Variants in IPO9 observed in about 807,000 individuals in gnomAD.
IPO9 encodes importin-9.
A neutral mutation model predicts 128.6 loss-of-function variants in IPO9; 28 were observed. The ratio of observed to expected loss-of-function variants is 0.22; its 90% CI spans 0.16 to 0.30. The LOEUF (loss-of-function observed/expected upper bound fraction) is 0.30. Ranked by LOEUF, IPO9 falls within the 10% of genes least tolerant of loss-of-function variation. The pLI, the probability that IPO9 is intolerant of heterozygous loss-of-function variation, is 1.00. For synonymous variants in IPO9, 455 were observed against 475.8 expected (o/e 0.96, Z 0.57); for missense variants, 935 against 1,293.9 (o/e 0.72, Z 4.26).
intron 1 of IPO9, among the ~76,000 whole-genome samples, chr1:201,839,754 T>C (rs1680002549): frequency 6.6e-6 from 1 of 152,028 alleles, no homozygotes; most frequent in African/African-American, 2.4e-5. Context: ...GGGAAAGGGA[T>C]TCTAAATATG....
rs768746951 is a variant in IPO9, at chr1:201,881,169, A to G, written c.*5115A>G. The stretch of plus-strand genomic sequence containing the variant: ...TGGGGGAGGAAGTCGGGTAAGTTGC[A>G]TGGAGAAGGCAACCCTTGAACACTT... On this transcript the variant is annotated 3_prime_UTR_variant, in exon 24 of 24. Coordinates refer to ENST00000361565, the MANE Select transcript of IPO9 (RefSeq NM_018085.5). 1 of 152,202 alleles carries G rather than the reference A, an allele frequency of 6.6e-6. No individual in the cohort carries two copies. The highest frequency in any genetic ancestry group is 1.5e-5 in the Non-Finnish European group (1 of 68,034). The allele number at this position is 152,202 out of a possible 1,614,324, so 9.4% of individuals were successfully genotyped here.
In IPO9 at chr1:201,874,341, T is replaced by C. The variant is rs375849282; in HGVS notation, c.2802T>C (p.Ala934=). The C allele has an allele frequency of 1.2e-6, 2 of 1,614,086 alleles. No individual in the cohort carries two copies. The highest frequency in any genetic ancestry group is 1.1e-5 in the South Asian group (1 of 91,072). The change falls in exon 21 of 24, where the codon GCT becomes GCC. Residue 934 remains alanine, a synonymous_variant. Transcript: ENST00000361565. ...CCAACGTCATGGAGGCTAATGCCGC[T>C]CGCCAGGCCACTCCTGCAGAGTGGA... ...ELSNVMEANA[A]RQATPAEWSQ...
At chr1:201,833,562 T>C (rs1255437804) in intron 1 of IPO9, among the ~76,000 whole-genome samples, 1 of 152,168 alleles carries the variant, frequency 6.6e-6, no homozygotes, top group African/African-American at 2.4e-5. Flanking sequence ...TGAGCCCCTG[T>C]GCTTGCTATT....
intron 13 of IPO9, among the ~76,000 whole-genome samples, chr1:201,859,717 T>C (rs1399042842): frequency 1.3e-5 from 2 of 152,170 alleles, no homozygotes; most frequent in East Asian, 1.9e-4. Flanking sequence ...CCCAGCACTT[T>C]GGGAGGCTAA....
chr1:201,840,822 G>T (rs1048004054), intron 1 of IPO9, among the ~76,000 whole-genome samples: 20 of 152,084 alleles, frequency 1.3e-4, no homozygotes, highest in African/African-American at 4.8e-4. Context: ...AACAAGAAGG[G>T]AATATTTAAA....
chr1:201,849,935 A>G (rs999543746), intron 4 of IPO9, among the ~76,000 whole-genome samples: 2 of 152,126 alleles, frequency 1.3e-5, no homozygotes, highest in Non-Finnish European at 2.9e-5. Flanking sequence ...GCCTTTTAGG[A>G]TTCTTTATTC....
At chr1:201,848,326 A>G (rs1571543779) in intron 3 of IPO9, 67 bp from the exon 4 acceptor site, 5 of 1,374,026 alleles carry the variant, frequency 3.6e-6, no homozygotes, top group Non-Finnish European at 4.2e-6. Flanking sequence ...ACAGTTCCCA[A>G]TTGAACTGGG....
intron 13 of IPO9, among the ~76,000 whole-genome samples, chr1:201,861,588 G>A (rs572168490): frequency 6.6e-5 from 10 of 152,130 alleles, no homozygotes; most frequent in Admixed American, 2.0e-4. Context: ...TTCAACTTAC[G>A]ATGTGTTTAT....
Position 201,876,180 on chromosome 1 carries a change from C to G in IPO9, c.*126C>G, listed in dbSNP as rs768340407. 5 of 775,678 alleles carry G rather than the reference C, an allele frequency of 6.4e-6. No individual in the cohort carries two copies. Among genetic ancestry groups the G allele is most frequent in the Non-Finnish European group, 9.5e-6 (4 of 420,822 alleles). 48.0% of individuals were successfully genotyped at this position (775,678 alleles called of 1,614,324 possible). ...CATCTTGACCCTTGGCCCTTGGCCT[C>G]GGCAGTGACACTGATGACAATTCAG... On this transcript the variant is annotated 3_prime_UTR_variant, in exon 24 of 24. Coordinates refer to ENST00000361565, the MANE Select transcript of IPO9 (RefSeq NM_018085.5).
At chr1:201,874,755 A>G (rs1033945625) in intron 21 of IPO9, 77 bp from the exon 22 acceptor site, 33 of 1,008,136 alleles carry the variant, frequency 3.3e-5, no homozygotes, top group Middle Eastern at 5.5e-4. Context: ...GGGCCCTTCT[A>G]TTCTGGCCTA....
chr1:201,857,656 G>A (rs768723203), intron 11 of IPO9, among the ~76,000 whole-genome samples: 1 of 152,088 alleles, frequency 6.6e-6, no homozygotes, highest in Non-Finnish European at 1.5e-5. Context: ...TTAGCCGGGC[G>A]TGATGGCGCA....
In IPO9 at chr1:201,875,938, C is replaced by T. The variant is rs760615469; in HGVS notation, c.3016-6C>T. ...TCACTAATGCCACTCTTGCTCTTTC[C>T]TCCAGGCATATCTCACAGATTTCCT... On this transcript the variant is annotated splice_polypyrimidine_tract_variant and splice_region_variant and intron_variant, in intron 23 of 23. Transcript: ENST00000361565. 6.3e-7 allele frequency: 1 copy of T among 1,581,618 alleles called. No individual in the cohort carries two copies. The highest frequency in any genetic ancestry group is 2.2e-5 in the East Asian group (1 of 44,630).
In IPO9 at chr1:201,866,744, A is replaced by G; in HGVS notation, c.1640A>G (p.Gln547Arg). ...CTATCTCTCTCTAGTTATTGTGACC[A>G]ACTGAAAGTCTCAGAGAGTACCCAC... is the stretch of plus-strand genomic sequence containing the variant. ...AVRAIWGYCD[Q>R]LKVSESTHVL... The change falls in exon 15 of 24, where the codon CAA (glutamine) becomes CGA (arginine). Residue 547 changes from glutamine to arginine, a missense_variant. By Grantham distance (43) the Gln-to-Arg change is conservative. Around this residue, in one of 3 missense-constraint regions of IPO9, gnomAD observed 741 missense variants for 1,019.1 expected, o/e 0.73. Coordinates refer to ENST00000361565, the MANE Select transcript of IPO9 (RefSeq NM_018085.5). 1 of 1,613,516 alleles carries G rather than the reference A, an allele frequency of 6.2e-7. No homozygotes were observed. Among genetic ancestry groups the G allele is most frequent in the Non-Finnish European group, 8.5e-7 (1 of 1,179,488 alleles).
rs1182102758 is a variant in IPO9, at chr1:201,882,944, TAC to T, written c.*6893_*6894del. On this transcript the variant is annotated 3_prime_UTR_variant, in exon 24 of 24. Coordinates refer to ENST00000361565, the MANE Select transcript of IPO9 (RefSeq NM_018085.5). ...GCTCATTCTTCCTGACTCACTGGAT[TAC>T]ACTGTGACTCAGTTCAATTTCACAC... 6.6e-6 allele frequency: 1 copy of T among 152,626 alleles called. No individual in the cohort carries two copies. Among genetic ancestry groups the T allele is most frequent in the Non-Finnish European group, 1.5e-5 (1 of 68,032 alleles). 9.5% of individuals were successfully genotyped at this position (152,626 alleles called of 1,614,324 possible).
At chr1:201,848,111 G>T (rs1680152881) in intron 3 of IPO9, among the ~76,000 whole-genome samples, 1 of 152,176 alleles carries the variant, frequency 6.6e-6, no homozygotes, top group Admixed American at 6.5e-5. Context: ...GCATATGGCT[G>T]TTGAGCACTT....
chr1:201,871,376 C>CTTTTTTT lies in IPO9; in HGVS notation c.2576+73_2576+79dup, dbSNP rs556986429. On this transcript the variant is annotated intron_variant, in intron 19 of 23. Coordinates refer to ENST00000361565, the MANE Select transcript of IPO9 (RefSeq NM_018085.5). Reference sequence around the variant, plus strand: ...GGGCATTCTGCCACCACTCATATTTCTTTTTTTTTTTTTTTTTTTTTTTTT... The same window carrying CTTTTTTT: ...GGGCATTCTGCCACCACTCATATTTCTTTTTTTTTTTTTTTTTTTTTTTTTTTTTTTT... 8.9e-4 allele frequency: 133 copies of CTTTTTTT among 149,288 alleles called. 9 individuals carry two copies. The highest frequency in any genetic ancestry group is 4.4e-3 in the African/African-American group (66 of 14,954). 9.2% of individuals were successfully genotyped at this position (149,288 alleles called of 1,614,324 possible).
chr1:201,863,635 TA>T, intron 14 of IPO9, 28 bp downstream of exon 14: 1 of 1,550,316 alleles, frequency 6.5e-7, no homozygotes, highest in Non-Finnish European at 8.8e-7. Context: ...GCGTGATAAT[TA>T]AGGGAAAGTT....
chr1:201,859,206 TAA>T (rs1491549216), intron 13 of IPO9, among the ~76,000 whole-genome samples: 1 of 138,914 alleles, frequency 7.2e-6, no homozygotes, highest in East Asian at 2.1e-4. Flanking sequence ...TATATATATA[TAA>T]AGGAAACTCT....
chr1:201,844,371 A>G (rs781409669), intron 1 of IPO9, among the ~76,000 whole-genome samples: 3 of 152,230 alleles, frequency 2.0e-5, no homozygotes, highest in Non-Finnish European at 2.9e-5. Context: ...ACGTTCTACA[A>G]AATAACTGAT....
Sources: gnomAD v4.1 joint callset for allele counts (sites outside exome capture counted in the v4.1 genomes callset) on GRCh38, gnomAD v4.1.1 for gene constraint, gnomAD v4.1.1 regional missense constraint, MANE v1.5 for transcripts, NCBI Gene and HGNC (gene_info 2026-07-23, HGNC 2026-07-21) for gene names.